Variants in IL1RAPL1 observed in about 807,000 individuals in gnomAD.
IL1RAPL1 encodes the protein interleukin 1 receptor accessory protein like 1.
IL1RAPL1 carries 3 observed loss-of-function variants against 48.4 expected under a neutral mutation model. That is an observed-to-expected ratio of 0.06 (90% CI 0.03 to 0.16). IL1RAPL1 has a LOEUF of 0.16. Ranked by LOEUF, IL1RAPL1 falls within the 10% of genes least tolerant of loss-of-function variation. IL1RAPL1 has a pLI of 1.00. For synonymous variants in IL1RAPL1, 185 were observed against 187.7 expected (o/e 0.99, Z 0.12); for missense variants, 349 against 530.6 (o/e 0.66, Z 3.36).
intron 2 of IL1RAPL1, among the ~76,000 whole-genome samples, chrX:28,858,404 A>C (rs781494967): frequency 2.9e-4 from 32 of 111,945 alleles, no homozygotes; most frequent in African/African-American, 9.4e-4. Flanking sequence ...CCTTTATAAA[A>C]GGAAGAGTCA....
intron 9 of IL1RAPL1, among the ~76,000 whole-genome samples, chrX:29,946,427 A>G (rs1385523070): frequency 1.8e-5 from 2 of 112,006 alleles, no homozygotes. Flanking sequence ...ACCTAAGACA[A>G]TGTAATCTTG....
chrX:28,884,996 A>C (rs1299343494), intron 2 of IL1RAPL1, among the ~76,000 whole-genome samples: 1 of 111,613 alleles, frequency 9.0e-6, no homozygotes, highest in Non-Finnish European at 1.9e-5. Flanking sequence ...AATTTTATTT[A>C]GCTCAACAGT....
intron 2 of IL1RAPL1, among the ~76,000 whole-genome samples, chrX:29,250,512 C>A (rs1931586768): frequency 9.0e-6 from 1 of 111,263 alleles, no homozygotes; most frequent in Non-Finnish European, 1.9e-5. Flanking sequence ...CATTTGGAAC[C>A]CAAAGTGGAG....
intron 6 of IL1RAPL1, among the ~76,000 whole-genome samples, chrX:29,706,925 A>C (rs1161581072): frequency 3.6e-5 from 4 of 112,054 alleles, no homozygotes; most frequent in African/African-American, 1.3e-4. Context: ...TGTAAAAAAA[A>C]CAAAGATAAA....
intron 6 of IL1RAPL1, among the ~76,000 whole-genome samples, chrX:29,776,823 A>G (rs933133926): frequency 6.3e-5 from 7 of 111,899 alleles, no homozygotes; most frequent in Admixed American, 3.8e-4. Flanking sequence ...AAATACTCAC[A>G]TTTTAAACAA....
At chrX:29,734,836 G>C (rs775120758) in intron 6 of IL1RAPL1, among the ~76,000 whole-genome samples, 2 of 111,491 alleles carry the variant, frequency 1.8e-5, no homozygotes, top group South Asian at 7.6e-4. Flanking sequence ...GGTTGTATGA[G>C]AGATATGAAC....
chrX:29,913,282 A>G (rs946295054), intron 6 of IL1RAPL1, among the ~76,000 whole-genome samples: 1 of 110,407 alleles, frequency 9.1e-6, no homozygotes, highest in African/African-American at 3.3e-5. Flanking sequence ...GAAACCACTG[A>G]AAAGCCTCTT....
chrX:29,230,974 C>T lies in IL1RAPL1; in HGVS notation c.83-51964C>T, dbSNP rs764052513. Reference sequence around the variant, plus strand: ...TTTTAAGAGAGCTGTTGTAAGTAATCCAGTATTATAAGTTAAGTCTGTCCT... The same window carrying T: ...TTTTAAGAGAGCTGTTGTAAGTAATTCAGTATTATAAGTTAAGTCTGTCCT... On this transcript the variant is annotated intron_variant, in intron 2 of 10. Transcript: ENST00000378993. 2.1e-4 allele frequency among the ~76,000 whole-genome samples: 24 copies of T among 111,642 alleles called. No homozygotes were observed. The South Asian group carries it at 8.7e-3, about 40-fold the overall frequency.
chrX:29,480,291 C>CATATAT (rs61703733), intron 5 of IL1RAPL1, among the ~76,000 whole-genome samples: 17,317 of 76,236 alleles, frequency 0.23, 1,899 homozygotes, highest in South Asian at 0.29. Context: ...CACACATATA[C>CATATAT]ATATATATAT....
chrX:29,178,684 G>C (rs1160790783), intron 2 of IL1RAPL1, among the ~76,000 whole-genome samples: 2 of 111,775 alleles, frequency 1.8e-5, no homozygotes. Flanking sequence ...CCTATGTCCT[G>C]AATGGTATTG....
At chrX:28,704,821 CACACACACACAAAA>C (rs1200616469) in intron 1 of IL1RAPL1, among the ~76,000 whole-genome samples, 89 of 47,741 alleles carry the variant, frequency 1.9e-3, no homozygotes, top group African/African-American at 9.5e-3. Flanking sequence ...CACACACACA[CACACACACACAAAA>C]AAAAAAAAAA....
chrX:29,894,512 T>A (rs886396896), intron 6 of IL1RAPL1, among the ~76,000 whole-genome samples: 1 of 112,353 alleles, frequency 8.9e-6, no homozygotes. Context: ...ATCAACGTTT[T>A]ACTTACTTTT....
At chrX:29,207,978 C>T (rs1308443001) in intron 2 of IL1RAPL1, among the ~76,000 whole-genome samples, 1 of 111,426 alleles carries the variant, frequency 9.0e-6, no homozygotes, top group African/African-American at 3.3e-5. Context: ...GCTTTGAAAT[C>T]ACATTTGTTC....
intron 2 of IL1RAPL1, among the ~76,000 whole-genome samples, chrX:29,181,002 C>T (rs1310374872): frequency 2.7e-5 from 3 of 111,590 alleles, no homozygotes; most frequent in Non-Finnish European, 5.6e-5. Flanking sequence ...TTTGTGTTTC[C>T]TTCTTTTGAT....
chrX:29,172,227 C>T (rs1370756979), intron 2 of IL1RAPL1, among the ~76,000 whole-genome samples: 1 of 111,612 alleles, frequency 9.0e-6, no homozygotes, highest in South Asian at 3.7e-4. Flanking sequence ...TGAATTTGTT[C>T]GTGAAAGCAA....
intron 7 of IL1RAPL1, among the ~76,000 whole-genome samples, chrX:29,918,864 A>G (rs994064244): frequency 1.4e-4 from 16 of 112,079 alleles, no homozygotes; most frequent in African/African-American, 4.5e-4. Context: ...ATTTTTATTC[A>G]TAATGTAAAT....
intron 2 of IL1RAPL1, among the ~76,000 whole-genome samples, chrX:29,196,094 A>G (rs1377720147): frequency 8.9e-6 from 1 of 112,339 alleles, no homozygotes; most frequent in African/African-American, 3.2e-5. Context: ...GCATTAGTAG[A>G]TATTAAACAT....
At chrX:29,074,250 T>G (rs1019189603) in intron 2 of IL1RAPL1, among the ~76,000 whole-genome samples, 3 of 111,270 alleles carry the variant, frequency 2.7e-5, no homozygotes, top group Non-Finnish European at 5.7e-5. Context: ...ATTCTACACA[T>G]CAGACCCTTC....
intron 2 of IL1RAPL1, among the ~76,000 whole-genome samples, chrX:29,235,838 A>T (rs1931280918): frequency 8.9e-6 from 1 of 112,076 alleles, no homozygotes; most frequent in African/African-American, 3.2e-5. Context: ...TAATGAACTG[A>T]TGTTGATGTT....
Sources: allele counts gnomAD v4.1 joint callset (sites outside exome capture counted in the v4.1 genomes callset), GRCh38; gene constraint gnomAD v4.1.1; transcripts MANE v1.5; gene names NCBI Gene and HGNC (gene_info 2026-07-23, HGNC 2026-07-21).